Variants in AK9 observed in about 807,000 individuals in gnomAD.
AK9 encodes the protein adenylate kinase 9, also known as adenylate kinase domain containing 1.
Under a neutral mutation model 239.6 loss-of-function variants are expected in AK9, and 191 were observed. The ratio of observed to expected loss-of-function variants is 0.80; its 90% CI spans 0.71 to 0.90. The LOEUF is 0.90. AK9 is among the 40% of genes least tolerant of loss of function. The pLI is 0.00. For missense variants in AK9, 1,995 were observed against 2,214.7 expected (o/e 0.90, Z 1.99); for synonymous variants, 689 against 721.0 (o/e 0.96, Z 0.71).
intron 1 of AK9, among the ~76,000 whole-genome samples, chr6:109,676,837 A>G (rs1771828214): frequency 6.6e-6 from 1 of 152,124 alleles, no homozygotes; most frequent in Non-Finnish European, 1.5e-5. Flanking sequence ...AAGACATGGA[A>G]TCAACCTCAA....
intron 12 of AK9, among the ~76,000 whole-genome samples, chr6:109,625,681 C>A (rs966270418): frequency 6.6e-6 from 1 of 152,196 alleles, no homozygotes; most frequent in African/African-American, 2.4e-5. Context: ...CCTCCACCCC[C>A]ACAACCCAGT....
intron 17 of AK9, among the ~76,000 whole-genome samples, chr6:109,603,815 C>T (rs1174013337): frequency 1.3e-5 from 2 of 152,222 alleles, no homozygotes; most frequent in Non-Finnish European, 2.9e-5. Context: ...GCAGTTCGAT[C>T]TCAGACTGCT....
At chr6:109,509,436 T>A in intron 32 of AK9, 56 bp from the exon 33 acceptor site, 1 of 1,442,990 alleles carries the variant, frequency 6.9e-7, no homozygotes, top group Non-Finnish European at 9.4e-7. Flanking sequence ...AGGGGGGACA[T>A]GTGCAGTTTT....
At chr6:109,540,183 T>C (rs913718983) in intron 27 of AK9, among the ~76,000 whole-genome samples, 3 of 152,234 alleles carry the variant, frequency 2.0e-5, no homozygotes, top group Non-Finnish European at 4.4e-5. Flanking sequence ...TTTGTTTGGC[T>C]ATGCCCTGCA....
Position 109,583,300 on chromosome 6 carries a change from C to G in AK9, c.2114+1823G>C, listed in dbSNP as rs998088193. Among the ~76,000 whole-genome samples the G allele has an allele frequency of 5.9e-5, 9 of 152,180 alleles. No homozygotes were observed. In the East Asian group the frequency reaches 1.5e-3, roughly 26 times the overall value. ...GCCAGTTCTTAGAAATTTCTGTAAC[C>G]CACTTGGATAGATGATCCAATGACT... On this transcript the variant is annotated intron_variant, in intron 19 of 40. Coordinates refer to ENST00000424296, the MANE Select transcript of AK9 (RefSeq NM_001145128.3).
chr6:109,594,184 C>A (rs1163019816), intron 17 of AK9, among the ~76,000 whole-genome samples: 1 of 152,160 alleles, frequency 6.6e-6, no homozygotes, highest in Non-Finnish European at 1.5e-5. Flanking sequence ...TATACAAAAT[C>A]AGTGTGCAAA....
intron 5 of AK9, among the ~76,000 whole-genome samples, chr6:109,669,387 T>C (rs571552842): frequency 1.3e-5 from 2 of 152,104 alleles, no homozygotes; most frequent in South Asian, 2.1e-4. Context: ...TATTTCTTTC[T>C]CCTGCCTGAC....
rs1395905541 is a variant in AK9, at chr6:109,516,009, G to A, written c.3913C>T (p.Gln1305Ter). Residue 1305 changes from glutamine to a stop codon, truncating the protein, a stop_gained, in exon 31 of 41, where the codon CAA becomes TAA. Transcript: ENST00000424296. LOFTEE classifies it high-confidence loss of function. ...TTCAGTTTCATATTCAATGTATATT[G>A]TACAATGTGATTTCTCCGAGCTCCA... is the stretch of plus-strand genomic sequence containing the variant. The part of the protein sequence containing the change: ...INGARRNHIV[Q>*]YTLNMKLKPL... 2 of 1,551,010 alleles carry A rather than the reference G, an allele frequency of 1.3e-6. No homozygotes were observed. Among genetic ancestry groups the A allele is most frequent in the Non-Finnish European group, 1.7e-6 (2 of 1,146,578 alleles).
rs1341051039 is a variant in AK9, at chr6:109,514,234, C to T, written c.4269G>A (p.Gly1423=). Residue 1423 remains glycine (G), a synonymous_variant, in exon 32 of 41, where the codon GGG becomes GGA. Coordinates refer to ENST00000424296, the MANE Select transcript of AK9 (RefSeq NM_001145128.3). The stretch of plus-strand genomic sequence containing the variant: ...CAAACATACGCTCACCTGTAGTTTT[C>T]CCAGATTTTGGAGGCCCCACAATTA... ...RIIIVGPPKS[G]KTTVAKKITS... is the part of the protein sequence containing the mutation. The T allele has an allele frequency of 1.9e-6, 3 of 1,550,402 alleles. No individual in the cohort carries two copies. The highest frequency in any genetic ancestry group is 2.6e-6 in the Non-Finnish European group (3 of 1,146,648).
chr6:109,558,652 A>C (rs191440754), intron 24 of AK9, among the ~76,000 whole-genome samples: 1 of 152,146 alleles, frequency 6.6e-6, no homozygotes, highest in Non-Finnish European at 1.5e-5. Context: ...TTGAAATCAA[A>C]TGTATTAATT....
At chr6:109,600,516 C>T (rs142369595) in intron 17 of AK9, among the ~76,000 whole-genome samples, 3,164 of 152,264 alleles carry the variant, frequency 0.021, 100 homozygotes, top group African/African-American at 0.073. Context: ...CGATGTTCAT[C>T]AGGGATATTG....
intron 19 of AK9, among the ~76,000 whole-genome samples, chr6:109,580,702 C>A (rs1788725934): frequency 6.6e-6 from 1 of 152,186 alleles, no homozygotes; most frequent in East Asian, 1.9e-4. Flanking sequence ...AGGACATTCT[C>A]TCACTGCATT....
At chr6:109,615,985 C>T (rs1215956880) in intron 13 of AK9, among the ~76,000 whole-genome samples, 1 of 151,870 alleles carries the variant, frequency 6.6e-6, no homozygotes, top group Admixed American at 6.6e-5. Flanking sequence ...CCTGTAATCG[C>T]AGCACTTTGG....
At chr6:109,625,681 C>G (rs966270418) in intron 12 of AK9, among the ~76,000 whole-genome samples, 1 of 152,196 alleles carries the variant, frequency 6.6e-6, no homozygotes, top group Non-Finnish European at 1.5e-5. Context: ...CCTCCACCCC[C>G]ACAACCCAGT....
intron 24 of AK9, among the ~76,000 whole-genome samples, chr6:109,557,121 T>C (rs768872944): frequency 2.6e-5 from 4 of 152,136 alleles, no homozygotes; most frequent in Non-Finnish European, 5.9e-5. Flanking sequence ...TTCGTGAGTT[T>C]GTCAAGTTTC....
At chr6:109,574,591 A>G (rs1787827452) in intron 20 of AK9, among the ~76,000 whole-genome samples, 1 of 152,182 alleles carries the variant, frequency 6.6e-6, no homozygotes, top group Non-Finnish European at 1.5e-5. Context: ...TTTCAGTTAA[A>G]TGTTAGTGAA....
At chr6:109,622,528 A>T (rs111218586) in intron 12 of AK9, among the ~76,000 whole-genome samples, 6 of 111,132 alleles carry the variant, frequency 5.4e-5, no homozygotes, top group Admixed American at 4.0e-4. Flanking sequence ...GGATAATACA[A>T]TAATATATTA....
chr6:109,642,707 A>G (rs1212697142), intron 9 of AK9, among the ~76,000 whole-genome samples: 1 of 152,158 alleles, frequency 6.6e-6, no homozygotes, highest in Non-Finnish European at 1.5e-5. Flanking sequence ...TGAGAAAAAA[A>G]AAGTCAAGGA....
intron 19 of AK9, among the ~76,000 whole-genome samples, chr6:109,579,921 G>C (rs1018816552): frequency 6.6e-6 from 1 of 152,078 alleles, no homozygotes; most frequent in African/African-American, 2.4e-5. Flanking sequence ...AGGATTTGTA[G>C]CATTTTTCCT....
Sources: allele counts gnomAD v4.1 joint callset (sites outside exome capture counted in the v4.1 genomes callset), GRCh38; gene constraint gnomAD v4.1.1; transcripts MANE v1.5; gene names NCBI Gene and HGNC (gene_info 2026-07-23, HGNC 2026-07-21).